Variants in GRM8 observed in about 807,000 individuals in gnomAD.
The protein encoded by GRM8 is metabotropic glutamate receptor 8.
GRM8 carries 47 observed loss-of-function variants against 87.2 expected under a neutral mutation model. That is an observed-to-expected ratio of 0.54 (90% CI 0.43 to 0.69). GRM8 has a LOEUF of 0.69. GRM8 is among the 30% of genes least tolerant of loss of function. The probability of loss-of-function intolerance (pLI) is 0.00; values close to 1 mark genes in which losing one functional copy is unlikely to be tolerated. For missense variants in GRM8, 1,019 were observed against 1,139.2 expected, an observed-to-expected ratio of 0.89 and a Z score of 1.52; for synonymous variants, 396 against 404.5, an observed-to-expected ratio of 0.98 and a Z score of 0.25.
intron 6 of GRM8, among the ~76,000 whole-genome samples, chr7:126,780,087 T>C (rs530789410): frequency 1.5e-4 from 23 of 152,224 alleles, no homozygotes; most frequent in Non-Finnish European, 3.2e-4. Flanking sequence ...TTTTCAATTA[T>C]ACAAATGAAA....
At chr7:126,953,760 A>G (rs1285828793) in intron 3 of GRM8, among the ~76,000 whole-genome samples, 3 of 152,148 alleles carry the variant, frequency 2.0e-5, no homozygotes, top group Non-Finnish European at 4.4e-5. Context: ...TCCAAGCAAC[A>G]AACTAATTAA....
At chr7:127,122,918 A>G (rs888449585) in intron 2 of GRM8, among the ~76,000 whole-genome samples, 4 of 152,166 alleles carry the variant, frequency 2.6e-5, no homozygotes, top group African/African-American at 9.7e-5. Context: ...ACTAGGGACT[A>G]AGGGTAAGGG....
chr7:126,865,719 A>T (rs1009684860), intron 6 of GRM8, among the ~76,000 whole-genome samples: 2 of 152,222 alleles, frequency 1.3e-5, no homozygotes, highest in African/African-American at 4.8e-5. Flanking sequence ...TTCACTTAGC[A>T]TCATGCTTTC....
At chr7:127,026,523 G>A (rs1295286888) in intron 3 of GRM8, among the ~76,000 whole-genome samples, 3 of 152,052 alleles carry the variant, frequency 2.0e-5, no homozygotes, top group East Asian at 1.9e-4. Context: ...GTTTCCTGAC[G>A]TTTTAATGAT....
intron 3 of GRM8, among the ~76,000 whole-genome samples, chr7:127,043,575 T>C (rs1818634605): frequency 6.6e-6 from 1 of 151,784 alleles, no homozygotes; most frequent in African/African-American, 2.4e-5. Context: ...TGAGAACACA[T>C]GGATTCAGGA....
intron 7 of GRM8, among the ~76,000 whole-genome samples, chr7:126,766,131 A>G (rs1377164120): frequency 6.6e-6 from 1 of 152,152 alleles, no homozygotes; most frequent in African/African-American, 2.4e-5. Context: ...CACTGGAAGA[A>G]GCACAATCTT....
chr7:127,183,602 T>C (rs1794589187), intron 2 of GRM8, among the ~76,000 whole-genome samples: 1 of 151,464 alleles, frequency 6.6e-6, no homozygotes, highest in African/African-American at 2.4e-5. Context: ...ATAAAATCAA[T>C]AGTCTAAACT....
intron 7 of GRM8, among the ~76,000 whole-genome samples, chr7:126,644,163 A>G (rs533116653): frequency 3.9e-5 from 6 of 152,248 alleles, no homozygotes; most frequent in Admixed American, 1.3e-4. Flanking sequence ...CTGTGAATCA[A>G]TCAGTCCAAA....
intron 3 of GRM8, among the ~76,000 whole-genome samples, chr7:127,045,594 A>T (rs1325123006): frequency 6.6e-6 from 1 of 152,068 alleles, no homozygotes; most frequent in Non-Finnish European, 1.5e-5. Context: ...TTATTTTTTT[A>T]AATGGTGTAG....
chr7:127,133,158 G>A (rs1335203721), intron 2 of GRM8, among the ~76,000 whole-genome samples: 1 of 152,096 alleles, frequency 6.6e-6, no homozygotes, highest in Admixed American at 6.5e-5. Context: ...GGTGGCTCAC[G>A]CCTGTAATCC....
chr7:126,481,356 A>G (rs1806652268), intron 9 of GRM8, among the ~76,000 whole-genome samples: 1 of 152,112 alleles, frequency 6.6e-6, no homozygotes, highest in Non-Finnish European at 1.5e-5. Flanking sequence ...CTCCAAATAA[A>G]TATTTATCAA....
At chr7:126,904,756 T>C (rs1188079688) in intron 3 of GRM8, 73 bp from the exon 4 acceptor site, 1 of 1,311,528 alleles carries the variant, frequency 7.6e-7, no homozygotes, top group Non-Finnish European at 1.1e-6. Flanking sequence ...TTACCTACTT[T>C]ATAAAAGCAC....
intron 2 of GRM8, among the ~76,000 whole-genome samples, chr7:127,208,943 C>A (rs1796064643): frequency 6.6e-6 from 1 of 152,164 alleles, no homozygotes; most frequent in South Asian, 2.1e-4. Flanking sequence ...ATACATAGTT[C>A]CCAGTTCCAT....
intron 9 of GRM8, among the ~76,000 whole-genome samples, chr7:126,530,010 C>T (rs543920410): frequency 6.6e-6 from 1 of 152,214 alleles, no homozygotes; most frequent in Non-Finnish European, 1.5e-5. Flanking sequence ...TTGATTCATT[C>T]AAAATGATTC....
intron 2 of GRM8, among the ~76,000 whole-genome samples, chr7:127,121,116 A>G (rs1473669829): frequency 6.6e-6 from 1 of 152,220 alleles, no homozygotes; most frequent in East Asian, 1.9e-4. Flanking sequence ...TATATGCAGC[A>G]GGATAATTTA....
intron 2 of GRM8, among the ~76,000 whole-genome samples, chr7:127,124,450 AT>A (rs1471953545): frequency 6.6e-6 from 1 of 152,052 alleles, no homozygotes; most frequent in Non-Finnish European, 1.5e-5. Context: ...CTTCTTTGTC[AT>A]CTCCTCTAGT....
At chr7:127,067,081 T>C (rs1471885750) in intron 3 of GRM8, among the ~76,000 whole-genome samples, 1 of 152,196 alleles carries the variant, frequency 6.6e-6, no homozygotes, top group Non-Finnish European at 1.5e-5. Flanking sequence ...AAGGCCCAAA[T>C]GCCAACGGGC....
rs937982503 is a variant in GRM8 at position 127,146,524 on chromosome 7, C to T, written c.511-39812G>A. Among the ~76,000 whole-genome samples, 30 of 152,162 alleles carry T rather than the reference C, an allele frequency of 2.0e-4. 1 individual carries two copies. The highest frequency in any genetic ancestry group is 7.0e-4 in the African/African-American group (29 of 41,536). On this transcript the variant is annotated intron_variant, in intron 2 of 10. Transcript: ENST00000339582. The stretch of plus-strand genomic sequence containing the variant: ...AAACCCAGGGACAAACCCAGGAAAA[C>T]TCAGAGACAACAAATTCCAAGTTTT...
Position 126,965,434 on chromosome 7 carries a change from TCTAGA to T in GRM8, c.728-60756_728-60752del, listed in dbSNP as rs1364203356. 4.6e-5 allele frequency among the ~76,000 whole-genome samples: 7 copies of T among 152,278 alleles called. No individual in the cohort carries two copies. In the South Asian group the frequency reaches 1.5e-3, roughly 32 times the overall value. On this transcript the variant is annotated intron_variant, in intron 3 of 10. Coordinates refer to ENST00000339582, the MANE Select transcript of GRM8 (RefSeq NM_000845.3). ...CACTGTCCCCTCCATTAAAAATATA[TCTAGA>T]CTAGTGTTCTGCAATAGCAATCTGA...
Sources: gnomAD v4.1 joint callset for allele counts (sites outside exome capture counted in the v4.1 genomes callset) on GRCh38, gnomAD v4.1.1 for gene constraint, MANE v1.5 for transcripts, NCBI Gene and HGNC (gene_info 2026-07-23, HGNC 2026-07-21) for gene names.